Variants in GLRB observed in about 807,000 individuals in gnomAD.
GLRB encodes the protein glycine receptor beta, also known as glycine receptor subunit beta.
GLRB carries 33 observed loss-of-function variants against 54.2 expected under a neutral mutation model. That is an observed-to-expected ratio of 0.61 (90% CI 0.46 to 0.81). GLRB has a LOEUF of 0.81. Ranked by LOEUF, GLRB falls within the 40% of genes least tolerant of loss-of-function variation. The probability of loss-of-function intolerance (pLI) is 0.00; values close to 1 mark genes in which losing one functional copy is unlikely to be tolerated. For missense variants in GLRB, 572 were observed against 584.6 expected (o/e 0.98, Z 0.22); for synonymous variants, 209 against 208.2 (o/e 1.00, Z -0.03).
At chr4:157,097,091 A>T (rs1477007312) in intron 2 of GLRB, among the ~76,000 whole-genome samples, 1 of 152,210 alleles carries the variant, frequency 6.6e-6, no homozygotes, top group Non-Finnish European at 1.5e-5. Context: ...TAGAGTAATG[A>T]TTTGGAAAAT....
Position 157,159,691 on chromosome 4 carries a change from T to A in GLRB, c.1197+6681T>A, listed in dbSNP as rs917063310. ...CATCCCAGGGATGAGGCCAATGTGA[T>A]CATGGTGGATAACCTTTTTGATGTG... is the stretch of plus-strand genomic sequence containing the variant. On this transcript the variant is annotated intron_variant, in intron 9 of 9. Coordinates refer to ENST00000264428, the MANE Select transcript of GLRB (RefSeq NM_000824.5). Among the ~76,000 whole-genome samples the A allele has an allele frequency of 1.2e-4, 18 of 152,330 alleles. No individual in the cohort carries two copies. The East Asian group carries it at 3.3e-3, about 28-fold the overall frequency.
At chr4:157,139,428 T>C (rs1446964259) in intron 7 of GLRB, among the ~76,000 whole-genome samples, 1 of 152,084 alleles carries the variant, frequency 6.6e-6, no homozygotes, top group African/African-American at 2.4e-5. Flanking sequence ...TGTGAAATAA[T>C]TGGACATCAG....
chr4:157,077,122 A>G (rs1375704404), intron 1 of GLRB, among the ~76,000 whole-genome samples: 1 of 152,150 alleles, frequency 6.6e-6, no homozygotes, highest in Non-Finnish European at 1.5e-5. Context: ...TTGGAAATGA[A>G]GGTTGCAGAA....
intron 4 of GLRB, among the ~76,000 whole-genome samples, chr4:157,129,562 A>G (rs1253038805): frequency 6.6e-6 from 1 of 151,804 alleles, no homozygotes; most frequent in Non-Finnish European, 1.5e-5. Flanking sequence ...GAATCATAGT[A>G]TTATATGGCC....
chr4:157,101,335 A>G (rs1011249012), intron 2 of GLRB, among the ~76,000 whole-genome samples: 3 of 152,160 alleles, frequency 2.0e-5, no homozygotes, highest in Admixed American at 1.3e-4. Context: ...GTTCTAAAAT[A>G]CAATGTAGTA....
At chr4:157,122,687 G>C (rs1264259401) in intron 4 of GLRB, among the ~76,000 whole-genome samples, 1 of 151,724 alleles carries the variant, frequency 6.6e-6, no homozygotes, top group Non-Finnish European at 1.5e-5. Context: ...CTTATGCCAT[G>C]AAGACTCTTG....
chr4:157,163,822 C>G (rs201233209), intron 9 of GLRB, among the ~76,000 whole-genome samples: 1 of 120,674 alleles, frequency 8.3e-6, no homozygotes, highest in African/African-American at 4.9e-5. Flanking sequence ...TATAGTCTGT[C>G]TGTGTGAGTG....
intron 7 of GLRB, among the ~76,000 whole-genome samples, chr4:157,143,305 G>T (rs1489583053): frequency 6.6e-6 from 1 of 151,708 alleles, no homozygotes; most frequent in Admixed American, 6.6e-5. Flanking sequence ...AATTTTTAAG[G>T]TTTATCTATA....
At chr4:157,081,328 C>A (rs946788983) in intron 2 of GLRB, among the ~76,000 whole-genome samples, 2 of 152,112 alleles carry the variant, frequency 1.3e-5, no homozygotes, top group African/African-American at 4.8e-5. Flanking sequence ...ACCATCTACT[C>A]ACTGTTAACT....
chr4:157,101,304 T>G (rs1735016788), intron 2 of GLRB, among the ~76,000 whole-genome samples: 1 of 152,102 alleles, frequency 6.6e-6, no homozygotes, highest in Non-Finnish European at 1.5e-5. Flanking sequence ...ATATTTTTGG[T>G]GACCTATAAT....
intron 4 of GLRB, among the ~76,000 whole-genome samples, chr4:157,128,029 T>C (rs1274427913): frequency 6.6e-6 from 1 of 151,888 alleles, no homozygotes; most frequent in Non-Finnish European, 1.5e-5. Context: ...TGATTGCATA[T>C]AACTTCCTCC....
At position 157,152,968 on chromosome 4, in the gene GLRB, T is replaced by A; in HGVS notation, c.1155T>A (p.Thr385=). ...GKGGNVAKKN[T]VNGTGTPVHI... The stretch of plus-strand genomic sequence containing the variant: ...GTGGAAATGTGGCTAAAAAGAATAC[T>A]GTGAATGGAACAGGGACTCCTGTTC... The change falls in exon 9 of 10, where the codon ACT becomes ACA. Residue 385 remains threonine (T), a synonymous_variant. Transcript: ENST00000264428. The A allele has an allele frequency of 1.2e-6, 2 of 1,613,942 alleles. No individual in the cohort carries two copies. The highest frequency in any genetic ancestry group is 4.5e-5 in the East Asian group (2 of 44,860).
At chr4:157,089,701 A>G (rs539230186) in intron 2 of GLRB, among the ~76,000 whole-genome samples, 46 of 152,070 alleles carry the variant, frequency 3.0e-4, no homozygotes, top group Middle Eastern at 6.8e-3. Flanking sequence ...TTGCTTATCA[A>G]TTTTCCCCTG....
chr4:157,104,870 C>T (rs1038087122), intron 2 of GLRB, among the ~76,000 whole-genome samples: 2 of 151,908 alleles, frequency 1.3e-5, no homozygotes, highest in African/African-American at 2.4e-5. Flanking sequence ...CTCTTACAAT[C>T]GTTTGTGTTT....
At chr4:157,098,123 C>T (rs1734880436) in intron 2 of GLRB, among the ~76,000 whole-genome samples, 1 of 152,082 alleles carries the variant, frequency 6.6e-6, no homozygotes. Context: ...TTGGTCTTGC[C>T]TCTTCTTGAC....
rs938408882 is a variant in GLRB at position 157,102,295 on chromosome 4, C to T, written c.123-18261C>T. ...TATAGGCACATATCTAGAATTTATT[C>T]ATCTTGTATAATTAAAACATTATAC... On this transcript the variant is annotated intron_variant, in intron 2 of 9. Coordinates refer to ENST00000264428, the MANE Select transcript of GLRB (RefSeq NM_000824.5). Among the ~76,000 whole-genome samples the T allele has an allele frequency of 5.9e-5, 9 of 152,134 alleles. No homozygotes were observed. The East Asian group carries it at 1.7e-3, about 29-fold the overall frequency.
chr4:157,137,792 A>G (rs1167087168), intron 6 of GLRB, among the ~76,000 whole-genome samples: 1 of 152,170 alleles, frequency 6.6e-6, no homozygotes, highest in Non-Finnish European at 1.5e-5. Context: ...CCTGCATGTC[A>G]AGATGTACTT....
At chr4:157,085,867 C>T (rs2126434847) in intron 2 of GLRB, among the ~76,000 whole-genome samples, 1 of 152,272 alleles carries the variant, frequency 6.6e-6, no homozygotes, top group Middle Eastern at 3.4e-3. Context: ...TCTTGAACTC[C>T]AGTACATACT....
rs1298289296 is a variant in GLRB at position 157,136,903 on chromosome 4, A to G, written c.610+17A>G. The G allele has an allele frequency of 1.4e-6, 2 of 1,426,144 alleles. No individual in the cohort carries two copies. Among genetic ancestry groups the G allele is most frequent in the Admixed American group, 1.7e-5 (1 of 59,756 alleles). 88.3% of individuals were successfully genotyped at this position (1,426,144 alleles called of 1,614,324 possible). ...TGGAGAGCTGTACGTAAATGAGAAC[A>G]TAATTGATTATGAAAATAAAGTGTT... is the stretch of plus-strand genomic sequence containing the variant. On this transcript the variant is annotated intron_variant, in intron 6 of 9. Coordinates refer to ENST00000264428, the MANE Select transcript of GLRB (RefSeq NM_000824.5).
Sources: gnomAD v4.1 joint callset for allele counts (sites outside exome capture counted in the v4.1 genomes callset) on GRCh38, gnomAD v4.1.1 for gene constraint, MANE v1.5 for transcripts, NCBI Gene and HGNC (gene_info 2026-07-23, HGNC 2026-07-21) for gene names.